The following FGD6 variants were observed in gnomAD, a reference collection of about 807,000 sequenced individuals.
FGD6 encodes the protein FYVE, RhoGEF and PH domain-containing protein 6.
FGD6 carries 90 observed loss-of-function variants against 149.4 expected under a neutral mutation model. The observed-to-expected ratio is 0.60, with a 90% CI of 0.51 to 0.72. FGD6 has a LOEUF of 0.72. Ranked by LOEUF, FGD6 falls within the 30% of genes least tolerant of loss-of-function variation. The probability of loss-of-function intolerance (pLI) is 0.00; values close to 1 mark genes in which losing one functional copy is unlikely to be tolerated. For missense variants in FGD6, 1,437 were observed against 1,684.8 expected (o/e 0.85, Z 2.57); for synonymous variants, 527 against 584.0 (o/e 0.90, Z 1.41).
intron 5 of FGD6, among the ~76,000 whole-genome samples, chr12:95,151,597 C>T (rs886345702): frequency 1.3e-5 from 2 of 152,142 alleles, no homozygotes; most frequent in African/African-American, 4.8e-5. Context: ...GGACCAAGTA[C>T]AGAGCACAGG....
Position 95,084,523 on chromosome 12 carries a change from C to T in FGD6, c.4231G>A (p.Ala1411Thr), listed in dbSNP as rs533767603. The T allele has an allele frequency of 6.9e-6, 11 of 1,594,598 alleles. No homozygotes were observed. In the South Asian group the frequency reaches 1.2e-4, roughly 17 times the overall value. ...HKNMLFYVFK[A>T]EDAHSAQKWI... is the part of the protein sequence containing the mutation. ...TTCTGAGCCGAATGAGCATCCTCTG[C>T]TTTGAATACATAAAATAACATGTTT... Residue 1411 changes from alanine (A) to threonine (T), a missense_variant, in exon 20 of 21, where the codon GCA becomes ACA. Ala to Thr is a moderately conservative substitution (Grantham distance 58, BLOSUM62 0). Coordinates refer to ENST00000343958, the MANE Select transcript of FGD6 (RefSeq NM_018351.4).
intron 14 of FGD6, among the ~76,000 whole-genome samples, chr12:95,098,496 G>A (rs138231285): frequency 1.3e-5 from 2 of 152,222 alleles, no homozygotes; most frequent in Non-Finnish European, 2.9e-5. Flanking sequence ...GGCTTATCCT[G>A]GGTCATTCTC....
Position 95,105,045 on chromosome 12 carries a change from C to G in FGD6, c.3459G>C (p.Lys1153Asn), listed in dbSNP as rs369997798. 105 of 1,609,136 alleles carry G rather than the reference C, an allele frequency of 6.5e-5. 1 individual carries two copies. In the Middle Eastern group the frequency reaches 1.2e-3, roughly 18 times the overall value. Residue 1153 changes from lysine to asparagine, a missense_variant, in exon 14 of 21, where the codon AAG becomes AAC. Physicochemically the swap from Lys to Asn is moderately conservative, Grantham distance 94 (BLOSUM62 0). Coordinates refer to ENST00000343958, the MANE Select transcript of FGD6 (RefSeq NM_018351.4). ...PTQEAYQNEL[K>N]IESVERSFIL... is the part of the protein sequence containing the mutation. Reference sequence around the variant, plus strand: ...TGAAGGAACGTTCTACACTTTCAATCTTTAATTCATTCTGATAGGCTTCTT... The same window carrying G: ...TGAAGGAACGTTCTACACTTTCAATGTTTAATTCATTCTGATAGGCTTCTT...
chr12:95,099,984 TTGTTCCTGC>T (rs1210908571), intron 14 of FGD6, among the ~76,000 whole-genome samples: 1 of 151,994 alleles, frequency 6.6e-6, no homozygotes, highest in Non-Finnish European at 1.5e-5. Flanking sequence ...GGTATGTCTT[TTGTTCCTGC>T]TGTTCCTTCC....
rs1182982694 is a variant in FGD6 at position 95,084,626 on chromosome 12, A to C, written c.4128T>G (p.Ser1376Arg). Reference protein sequence around the residue: ...AASEDVAALESQPLLGFTVIQ... With the variant: ...AASEDVAALERQPLLGFTVIQ... Reference sequence around the variant, plus strand: ...TAACAGTGAATCCTAATAAAGGCTGACTCTCCAAAGCGGCCACGTCCTAAT... The same window carrying C: ...TAACAGTGAATCCTAATAAAGGCTGCCTCTCCAAAGCGGCCACGTCCTAAT... The change falls in exon 20 of 21, where the codon AGT becomes AGG. Residue 1376 changes from serine to arginine, a missense_variant. This residue lies in a region of FGD6 where 382 missense variants were observed against 538.7 expected (regional missense o/e 0.71). Transcript: ENST00000343958. 6.3e-7 allele frequency: 1 copy of C among 1,596,992 alleles called. No individual in the cohort carries two copies. The highest frequency in any genetic ancestry group is 2.3e-5 in the East Asian group (1 of 44,394).
intron 6 of FGD6, 74 bp downstream of exon 6, chr12:95,141,314 G>C (rs748214028): frequency 1.4e-6 from 2 of 1,414,098 alleles, no homozygotes; most frequent in Non-Finnish European, 2.0e-6. Flanking sequence ...ATATATCTCT[G>C]TCACATGTGG....
intron 2 of FGD6, among the ~76,000 whole-genome samples, chr12:95,173,449 A>G (rs1881048102): frequency 6.6e-6 from 1 of 152,178 alleles, no homozygotes; most frequent in Non-Finnish European, 1.5e-5. Flanking sequence ...TTCTGATACA[A>G]GCTGAACTTG....
chr12:95,089,893 T>A (rs1877995514), intron 17 of FGD6, among the ~76,000 whole-genome samples, 197 bp from the exon 18 acceptor site: 1 of 152,162 alleles, frequency 6.6e-6, no homozygotes, highest in Admixed American at 6.5e-5. Flanking sequence ...GGTTTTATAC[T>A]TTTTGAACTT....
At chr12:95,198,438 ATTT>A (rs748984160) in intron 2 of FGD6, among the ~76,000 whole-genome samples, 2 of 151,218 alleles carry the variant, frequency 1.3e-5, no homozygotes, top group Non-Finnish European at 3.0e-5. Context: ...AGCGATTACT[ATTT>A]TTTTTTCTGT....
chr12:95,158,313 G>T lies in FGD6; in HGVS notation c.2587-5320C>A, dbSNP rs534151263. 4.5e-3 allele frequency among the ~76,000 whole-genome samples: 683 copies of T among 151,298 alleles called. 5 individuals carry two copies. Among genetic ancestry groups the T allele is most frequent in the African/African-American group, 0.016 (640 of 41,194 alleles). On this transcript the variant is annotated intron_variant, in intron 3 of 20. Transcript: ENST00000343958. ...CTCCTGAGTAGCTGGGACTACAGGT[G>T]TGTGCCACCATGCACGGCTAATTTT...
intron 8 of FGD6, among the ~76,000 whole-genome samples, chr12:95,117,458 T>C (rs572748752): frequency 6.6e-6 from 1 of 152,178 alleles, no homozygotes. Context: ...GGTCTCGCTC[T>C]GTTGCCTAGG....
At chr12:95,200,846 A>G (rs866786740) in intron 2 of FGD6, among the ~76,000 whole-genome samples, 4 of 152,168 alleles carry the variant, frequency 2.6e-5, no homozygotes, top group African/African-American at 7.2e-5. Flanking sequence ...CATACCACCC[A>G]GAAGAAAGTA....
chr12:95,105,788 C>T (rs977744111), intron 13 of FGD6, among the ~76,000 whole-genome samples: 5 of 152,116 alleles, frequency 3.3e-5, no homozygotes, highest in Non-Finnish European at 2.9e-5. Flanking sequence ...CTTTGGGATG[C>T]GACGGTGGGT....
chr12:95,185,932 T>C (rs949867686), intron 2 of FGD6, among the ~76,000 whole-genome samples: 9 of 152,094 alleles, frequency 5.9e-5, no homozygotes, highest in African/African-American at 2.2e-4. Flanking sequence ...TGAATATATC[T>C]GTTATATGCA....
chr12:95,126,425 AAAAAAACAAAC>A (rs1443261019), intron 8 of FGD6: 15 of 1,207,584 alleles, frequency 1.2e-5, no homozygotes, highest in Admixed American at 6.0e-5. Flanking sequence ...AGGTTCTTTA[AAAAAAACAAAC>A]AAAAAACAAA....
intron 18 of FGD6, among the ~76,000 whole-genome samples, chr12:95,086,811 G>T (rs963538392): frequency 6.9e-6 from 1 of 145,912 alleles, no homozygotes; most frequent in African/African-American, 2.5e-5. Context: ...CTCCCAAAGT[G>T]CTGGGATTAC....
chr12:95,166,060 C>T (rs1384558861), intron 3 of FGD6, among the ~76,000 whole-genome samples: 1 of 148,722 alleles, frequency 6.7e-6, no homozygotes, highest in Admixed American at 6.7e-5. Context: ...GTAGCTTCAA[C>T]TTCCCAGGGG....
At chr12:95,159,763 G>T (rs1197376542) in intron 3 of FGD6, among the ~76,000 whole-genome samples, 8 of 152,106 alleles carry the variant, frequency 5.3e-5, no homozygotes, top group Non-Finnish European at 1.0e-4. Flanking sequence ...AACCCAGGAG[G>T]TTGAGGCTGT....
intron 2 of FGD6, among the ~76,000 whole-genome samples, chr12:95,202,547 T>TA (rs5800192): frequency 2.0e-5 from 3 of 152,006 alleles, no homozygotes; most frequent in East Asian, 3.9e-4. Flanking sequence ...CTAATTCCTT[T>TA]AAAAAAAATT....
Sources: allele counts gnomAD v4.1 joint callset (sites outside exome capture counted in the v4.1 genomes callset), GRCh38; gene constraint gnomAD v4.1.1; regional missense constraint gnomAD v4.1.1; transcripts MANE v1.5; gene names NCBI Gene and HGNC (gene_info 2026-07-23, HGNC 2026-07-21).